Variants in HSF5 observed in about 807,000 individuals in gnomAD.
HSF5 encodes the protein heat shock factor protein 5.
In HSF5, 5 loss-of-function variants were observed where a neutral mutation model predicts 50.8. That is an observed-to-expected ratio of 0.10 (90% CI 0.05 to 0.21). The LOEUF (loss-of-function observed/expected upper bound fraction) is 0.21, where lower values mean the gene tolerates loss of function less well. Among genes scored for constraint, HSF5 ranks in the 10% least tolerant of loss-of-function variants. The pLI, the probability that HSF5 is intolerant of heterozygous loss-of-function variation, is 1.00. For missense variants in HSF5, 564 were observed against 762.6 expected, an observed-to-expected ratio of 0.74 and a Z score of 3.07; for synonymous variants, 307 against 307.4, an observed-to-expected ratio of 1.00 and a Z score of 0.02.
chr17:58,473,257 C>G (rs1285988455), intron 2 of HSF5, among the ~76,000 whole-genome samples: 1 of 151,740 alleles, frequency 6.6e-6, no homozygotes, highest in Non-Finnish European at 1.5e-5. Flanking sequence ...ATAGTGATTA[C>G]TATATAAGTA....
intron 3 of HSF5, among the ~76,000 whole-genome samples, chr17:58,466,342 T>TTGGAAGAAAAAGAA (rs1322904916): frequency 1.3e-5 from 2 of 152,204 alleles, no homozygotes; most frequent in Non-Finnish European, 2.9e-5. Flanking sequence ...TGGAAGAATC[T>TTGGAAGAAAAAGAA]GTCATTTGGT....
chr17:58,461,339 G>T (rs1974791278), intron 4 of HSF5, among the ~76,000 whole-genome samples: 1 of 150,518 alleles, frequency 6.6e-6, no homozygotes, highest in Non-Finnish European at 1.5e-5. Flanking sequence ...TGACAGTCAG[G>T]CTAAAAAAAA....
At chr17:58,447,284 C>G (rs1028308118) in intron 5 of HSF5, among the ~76,000 whole-genome samples, 11 of 152,194 alleles carry the variant, frequency 7.2e-5, no homozygotes, top group Non-Finnish European at 1.5e-4. Flanking sequence ...AGAAAGCAAT[C>G]TGCCACCCCA....
At chr17:58,472,292 C>T (rs567699296) in intron 2 of HSF5, among the ~76,000 whole-genome samples, 68 of 152,062 alleles carry the variant, frequency 4.5e-4, no homozygotes, top group Non-Finnish European at 2.9e-4. Context: ...CAAAGCAAGA[C>T]CCTAGCTGTA....
intron 5 of HSF5, among the ~76,000 whole-genome samples, chr17:58,436,558 G>A (rs955086649): frequency 3.3e-5 from 5 of 151,734 alleles, no homozygotes; most frequent in Non-Finnish European, 5.9e-5. Flanking sequence ...ACAACAGGAA[G>A]AGTTAATAAA....
chr17:58,487,284 CGGGAGCAAAGGAG>C, intron 1 of HSF5, among the ~76,000 whole-genome samples: 1 of 152,214 alleles, frequency 6.6e-6, no homozygotes. Context: ...CTGCTTCCCA[CGGGAGCAAAGGAG>C]CCCCTTTTGT....
rs558354128 is a variant in HSF5, at chr17:58,458,365, T to C, written c.1720+403A>G. Among the ~76,000 whole-genome samples, 197 of 152,344 alleles carry C rather than the reference T, an allele frequency of 1.3e-3. 1 individual carries two copies. Among genetic ancestry groups the C allele is most frequent in the Admixed American group, 2.5e-3 (38 of 15,302 alleles). Reference sequence around the variant, plus strand: ...TCCTAAATTTCCATCTGATTTTCTCTTGTCACAATATAAATGCATGCCCTC... The same window carrying C: ...TCCTAAATTTCCATCTGATTTTCTCCTGTCACAATATAAATGCATGCCCTC... On this transcript the variant is annotated intron_variant, in intron 5 of 5. Transcript: ENST00000323777.
chr17:58,443,037 A>G (rs556255995), intron 5 of HSF5, among the ~76,000 whole-genome samples: 1 of 151,870 alleles, frequency 6.6e-6, no homozygotes, highest in East Asian at 1.9e-4. Flanking sequence ...GTTCCCGAGT[A>G]TCTGGGACTA....
At chr17:58,438,977 G>C (rs1485917199) in intron 5 of HSF5, among the ~76,000 whole-genome samples, 3 of 151,940 alleles carry the variant, frequency 2.0e-5, no homozygotes, top group Admixed American at 2.0e-4. Flanking sequence ...AAATCAGCTA[G>C]GTGTGGTGGC....
In HSF5 at chr17:58,421,230, A is replaced by AAGAAAAAAAT. The variant is rs984654267; in HGVS notation, c.*1120_*1129dup. On this transcript the variant is annotated 3_prime_UTR_variant, in exon 6 of 6. Coordinates refer to ENST00000323777, the MANE Select transcript of HSF5 (RefSeq NM_001080439.3). ...AAATCTAGAATCCTGTAACAGGGAT[A>AAGAAAAAAAT]AGAAAAAAATGTTACCATCTATCCC... 1 of 152,626 alleles carries AAGAAAAAAAT rather than the reference A, an allele frequency of 6.6e-6. No homozygotes were observed. The highest frequency in any genetic ancestry group is 1.5e-5 in the Non-Finnish European group (1 of 68,036). 9.5% of individuals were successfully genotyped at this position (152,626 alleles called of 1,614,324 possible). A position where few individuals can be genotyped will look rare whatever the true frequency, so the allele number is the denominator to read the frequency against.
intron 1 of HSF5, among the ~76,000 whole-genome samples, chr17:58,487,295 G>A (rs1030315882): frequency 1.3e-5 from 2 of 152,176 alleles, no homozygotes; most frequent in African/African-American, 2.4e-5. Context: ...GGGAGCAAAG[G>A]AGCCCCTTTT....
chr17:58,449,465 CG>C (rs1297617223), intron 5 of HSF5, among the ~76,000 whole-genome samples: 2 of 152,128 alleles, frequency 1.3e-5, no homozygotes, highest in Non-Finnish European at 1.5e-5. Flanking sequence ...TTCTGGAGAC[CG>C]AGGCAGGCGG....
chr17:58,449,156 G>A (rs896596977), intron 5 of HSF5, among the ~76,000 whole-genome samples: 4 of 152,026 alleles, frequency 2.6e-5, no homozygotes, highest in African/African-American at 9.7e-5. Flanking sequence ...AAAATAAAAA[G>A]CAAGGAATTA....
chr17:58,451,933 C>A, intron 5 of HSF5, among the ~76,000 whole-genome samples: 1 of 134,932 alleles, frequency 7.4e-6, no homozygotes. Context: ...ACTAAACAAG[C>A]CTTTAGTTAG....
At chr17:58,438,302 T>C (rs1049817385) in intron 5 of HSF5, among the ~76,000 whole-genome samples, 4 of 152,216 alleles carry the variant, frequency 2.6e-5, no homozygotes, top group African/African-American at 9.6e-5. Flanking sequence ...CTAGAAGCAA[T>C]AGGCTATACT....
At chr17:58,454,341 G>C (rs1397725074) in intron 5 of HSF5, among the ~76,000 whole-genome samples, 1 of 151,966 alleles carries the variant, frequency 6.6e-6, no homozygotes, top group Non-Finnish European at 1.5e-5. Flanking sequence ...ACCTCAACAC[G>C]ATAAAGGCCC....
chr17:58,456,643 A>G (rs1005880222), intron 5 of HSF5, among the ~76,000 whole-genome samples: 1 of 152,214 alleles, frequency 6.6e-6, no homozygotes, highest in East Asian at 1.9e-4. Context: ...CTACATATAC[A>G]TGTGTCAAAA....
In HSF5 at chr17:58,480,077, T is replaced by C; in HGVS notation, c.741A>G (p.Thr247=). 1.2e-6 allele frequency: 2 copies of C among 1,614,118 alleles called. No individual in the cohort carries two copies. The highest frequency in any genetic ancestry group is 1.7e-6 in the Non-Finnish European group (2 of 1,179,996). Residue 247 remains threonine (T), a synonymous_variant, in exon 2 of 6, where the codon ACA becomes ACG. Coordinates refer to ENST00000323777, the MANE Select transcript of HSF5 (RefSeq NM_001080439.3). ...MHPGQVETSP[T]FSDKGVPFPV... is the part of the protein sequence containing the mutation. ...GAAACGGAACCCCTTTATCTGAAAA[T>C]GTGGGAGATGTCTCCACTTGTCCAG... is the stretch of plus-strand genomic sequence containing the variant.
chr17:58,452,701 C>T (rs1186248458), intron 5 of HSF5, among the ~76,000 whole-genome samples: 1 of 152,322 alleles, frequency 6.6e-6, no homozygotes, highest in East Asian at 1.9e-4. Context: ...GTGAGGCGCA[C>T]CTCTGCCCAG....
Sources: gnomAD v4.1 joint callset for allele counts (sites outside exome capture counted in the v4.1 genomes callset) on GRCh38, gnomAD v4.1.1 for gene constraint, MANE v1.5 for transcripts, NCBI Gene and HGNC (gene_info 2026-07-23, HGNC 2026-07-21) for gene names.